Variants in LRRC3B observed in about 807,000 individuals in gnomAD.
LRRC3B encodes leucine-rich repeat-containing protein 3B.
Under a neutral mutation model 12.8 loss-of-function variants are expected in LRRC3B, and 2 were observed. The ratio of observed to expected loss-of-function variants is 0.16; its 90% CI spans 0.06 to 0.49. LRRC3B has a LOEUF of 0.49. Ranked by LOEUF, LRRC3B falls within the 20% of genes least tolerant of loss-of-function variation. LRRC3B has a pLI of 0.96. For missense variants in LRRC3B, 189 were observed against 319.4 expected, an observed-to-expected ratio of 0.59 and a Z score of 3.11; for synonymous variants, 132 against 122.0, an observed-to-expected ratio of 1.08 and a Z score of -0.54.
intron 1 of LRRC3B, among the ~76,000 whole-genome samples, chr3:26,640,687 A>G (rs1699012165): frequency 6.6e-6 from 1 of 152,326 alleles, no homozygotes; most frequent in East Asian, 1.9e-4. Context: ...TTGCAGTTGT[A>G]GGAGGAAGAG....
chr3:26,672,574 C>A (rs918873170), intron 1 of LRRC3B, among the ~76,000 whole-genome samples: 1 of 152,178 alleles, frequency 6.6e-6, no homozygotes. Flanking sequence ...TGCTCCCAGC[C>A]TCCAACCTAG....
intron 1 of LRRC3B, among the ~76,000 whole-genome samples, chr3:26,643,541 A>G (rs950287921): frequency 2.0e-5 from 3 of 152,104 alleles, no homozygotes; most frequent in Admixed American, 2.0e-4. Context: ...ACAACTCACA[A>G]GGGTCTCTGG....
At chr3:26,706,516 G>C (rs1038110609) in intron 1 of LRRC3B, among the ~76,000 whole-genome samples, 1 of 152,172 alleles carries the variant, frequency 6.6e-6, no homozygotes, top group African/African-American at 2.4e-5. Flanking sequence ...GGCGTGCTCT[G>C]TATTTGTACT....
chr3:26,666,146 GT>G (rs1169348352), intron 1 of LRRC3B, among the ~76,000 whole-genome samples: 2 of 152,102 alleles, frequency 1.3e-5, no homozygotes, highest in Non-Finnish European at 2.9e-5. Flanking sequence ...CTTTGCAAGA[GT>G]ACTGAGTATG....
intron 1 of LRRC3B, among the ~76,000 whole-genome samples, chr3:26,656,936 C>G (rs1254979218): frequency 6.6e-6 from 1 of 152,138 alleles, no homozygotes; most frequent in Non-Finnish European, 1.5e-5. Context: ...AGTTCAGATT[C>G]TTTTTTCTGC....
chr3:26,635,229 C>A (rs1698841038), intron 1 of LRRC3B, among the ~76,000 whole-genome samples: 2 of 152,136 alleles, frequency 1.3e-5, no homozygotes, highest in African/African-American at 4.8e-5. Flanking sequence ...GAGCCCTATC[C>A]CCTGAGCCAC....
chr3:26,629,850 G>A (rs771254119), intron 1 of LRRC3B, among the ~76,000 whole-genome samples: 5 of 151,888 alleles, frequency 3.3e-5, no homozygotes, highest in Non-Finnish European at 7.4e-5. Flanking sequence ...TACAAAACCT[G>A]TGAAAGGGGT....
exon 2 of LRRC3B, chr3:26,709,758 A>C: frequency 6.2e-7 from 1 of 1,614,036 alleles, no homozygotes; most frequent in Non-Finnish European, 8.5e-7. Flanking sequence ...CTGTGCTTTC[A>C]TTCTGCCAGT....
Position 26,695,888 on chromosome 3 carries a change from G to T in LRRC3B, c.-160-13625G>T, listed in dbSNP as rs184015583. ...GGCTAAAACCAGGAGAGGGCATTTC[G>T]GCCTCCTCAGGCTGTTACCTTCCCA... On this transcript the variant is annotated intron_variant, in intron 1 of 1. Coordinates refer to ENST00000396641, the Ensembl canonical transcript of LRRC3B. Among the ~76,000 whole-genome samples, 420 of 152,216 alleles carry T rather than the reference G, an allele frequency of 2.8e-3. 2 individuals carry two copies. Among genetic ancestry groups the T allele is most frequent in the African/African-American group, 8.3e-3 (345 of 41,526 alleles).
At chr3:26,661,470 C>T (rs1012000909) in intron 1 of LRRC3B, among the ~76,000 whole-genome samples, 3 of 152,100 alleles carry the variant, frequency 2.0e-5, no homozygotes, top group African/African-American at 7.2e-5. Context: ...ATGTAGTTGT[C>T]GTGAATTGTC....
intron 1 of LRRC3B, chr3:26,625,595 A>G (rs993195270): frequency 1.3e-5 from 2 of 152,170 alleles, no homozygotes; most frequent in African/African-American, 4.8e-5. Flanking sequence ...GTGCTTATCT[A>G]TCGCCTGAAT....
chr3:26,658,635 GCT>G (rs1203934255), intron 1 of LRRC3B, among the ~76,000 whole-genome samples: 6 of 152,196 alleles, frequency 3.9e-5, no homozygotes, highest in Non-Finnish European at 8.8e-5. Flanking sequence ...CAGATGATGT[GCT>G]CTCTTTGACA....
At chr3:26,661,488 T>C (rs1699489929) in intron 1 of LRRC3B, among the ~76,000 whole-genome samples, 1 of 152,212 alleles carries the variant, frequency 6.6e-6, no homozygotes, top group South Asian at 2.1e-4. Context: ...GTCATCATAC[T>C]ATATGGGTAA....
chr3:26,677,645 C>T (rs1226606235), intron 1 of LRRC3B, among the ~76,000 whole-genome samples: 1 of 152,202 alleles, frequency 6.6e-6, no homozygotes, highest in African/African-American at 2.4e-5. Context: ...ACAATAATGC[C>T]ACAATCCCAA....
chr3:26,709,650 C>T (rs1329844073), exon 2 of LRRC3B: 9 of 1,605,674 alleles, frequency 5.6e-6, no homozygotes, highest in Admixed American at 1.7e-5. Context: ...GGAATGGGCT[C>T]GTGATTATGC....
rs1432325882 is a variant in LRRC3B at position 26,706,852 on chromosome 3, A to ATGTT, written c.-160-2659_-160-2656dup. 5.3e-5 allele frequency among the ~76,000 whole-genome samples: 8 copies of ATGTT among 152,324 alleles called. No homozygotes were observed. The East Asian group carries it at 1.2e-3, about 22-fold the overall frequency. On this transcript the variant is annotated intron_variant, in intron 1 of 1. Coordinates refer to ENST00000396641, the Ensembl canonical transcript of LRRC3B. Reference sequence around the variant, plus strand: ...AGACCAGTAGACATTTGATGAGCCAATGTTTATGTTTAAAATATTTATAAA... The same window carrying ATGTT: ...AGACCAGTAGACATTTGATGAGCCAATGTTTGTTTATGTTTAAAATATTTATAAA...
rs1413060120 is a variant in LRRC3B, at chr3:26,626,081, G to A, written c.-161+2844G>A. On this transcript the variant is annotated intron_variant, in intron 1 of 1. Coordinates refer to ENST00000396641, the Ensembl canonical transcript of LRRC3B. ...ACCCTTTACTCCAAACTGCAGCGGC[G>A]TACTATAAGTGCCAGTCCTGGCCTG... Among the ~76,000 whole-genome samples the A allele has an allele frequency of 9.2e-5, 14 of 152,262 alleles. No homozygotes were observed. In the South Asian group the frequency reaches 1.5e-3, roughly 16 times the overall value.
intron 1 of LRRC3B, among the ~76,000 whole-genome samples, chr3:26,705,005 C>T (rs192652059): frequency 6.0e-4 from 92 of 152,232 alleles, no homozygotes; most frequent in African/African-American, 2.1e-3. Flanking sequence ...TCTGGTATTT[C>T]TCTGTGAGTT....
At chr3:26,646,634 A>C (rs992522915) in intron 1 of LRRC3B, among the ~76,000 whole-genome samples, 10 of 138,854 alleles carry the variant, frequency 7.2e-5, no homozygotes, top group South Asian at 6.9e-4. Context: ...AAAAAAAAAA[A>C]AACGGATTTT....
Sources: allele counts gnomAD v4.1 joint callset (sites outside exome capture counted in the v4.1 genomes callset), GRCh38; gene constraint gnomAD v4.1.1; transcripts MANE v1.5; gene names NCBI Gene and HGNC (gene_info 2026-07-23, HGNC 2026-07-21).